The following COX15 variants were observed in gnomAD, a reference collection of about 807,000 sequenced individuals.
COX15 encodes the protein cytochrome c oxidase assembly factor COX15.
COX15 carries 51 observed loss-of-function variants against 51.9 expected under a neutral mutation model. That is an observed-to-expected ratio of 0.98 (90% CI 0.78 to 1.24). COX15 has a LOEUF of 1.24. Ranked by LOEUF, COX15 falls within the 50% of genes most tolerant of loss-of-function variation. The pLI is 0.00. For synonymous variants in COX15, 188 were observed against 190.5 expected, an observed-to-expected ratio of 0.99 and a Z score of 0.11; for missense variants, 420 against 501.1, an observed-to-expected ratio of 0.84 and a Z score of 1.55.
rs950016100 is a variant in COX15 at position 99,720,900 on chromosome 10, T to C, written c.832+87A>G. On this transcript the variant is annotated intron_variant, in intron 6 of 8. Transcript: ENST00000016171. ...CAGATGTGAAAAGGAAATATAAAGA[T>C]GCAGGAGGAAGGGGCAAAGCATTAG... 15 of 963,658 alleles carry C rather than the reference T, an allele frequency of 1.6e-5. No homozygotes were observed. In the East Asian group the frequency reaches 3.4e-4, roughly 22 times the overall value. 59.7% of individuals were successfully genotyped at this position (963,658 alleles called of 1,614,324 possible). A position where few individuals can be genotyped will look rare whatever the true frequency, so the allele number is the denominator to read the frequency against.
chr10:99,729,824 A>C (rs2037081622), intron 1 of COX15, 90 bp from the exon 2 acceptor site: 1 of 1,225,578 alleles, frequency 8.2e-7, no homozygotes. Context: ...GCGAAGTACC[A>C]TAGCATCCCC....
rs528818574 is a variant in COX15, at chr10:99,714,786, G to A, written c.1102-68C>T. The A allele has an allele frequency of 6.4e-5, 103 of 1,604,378 alleles. No individual in the cohort carries two copies. The East Asian group carries it at 1.1e-3, about 17-fold the overall frequency. On this transcript the variant is annotated intron_variant, in intron 8 of 8. Coordinates refer to ENST00000016171, the MANE Select transcript of COX15 (RefSeq NM_078470.6). ...AAGTTCACATTGAAAATGGCCAGGC[G>A]TGGATAACCACACACAAACCTCCAC...
intron 8 of COX15, among the ~76,000 whole-genome samples, chr10:99,715,698 T>C (rs2036547080): frequency 6.6e-6 from 1 of 151,960 alleles, no homozygotes; most frequent in Admixed American, 6.6e-5. Context: ...TACTGACTCA[T>C]GCTCTCACCA....
rs753712680 is a variant in COX15 at position 99,731,955 on chromosome 10, G to C, written c.90+5C>G. On this transcript the variant is annotated splice_donor_5th_base_variant and intron_variant, in intron 1 of 8. Transcript: ENST00000016171. ...CGCGACTCGGAGTCCGCTGCAGTGC[G>C]GTACCTGTGCTCTAGGCGCTGCCCT... is the stretch of plus-strand genomic sequence containing the variant. 6.2e-7 allele frequency: 1 copy of C among 1,607,738 alleles called. No individual in the cohort carries two copies. Among genetic ancestry groups the C allele is most frequent in the South Asian group, 1.1e-5 (1 of 89,974 alleles).
chr10:99,726,811 G>A (rs1345255972), intron 4 of COX15, among the ~76,000 whole-genome samples, 157 bp downstream of exon 4: 1 of 151,648 alleles, frequency 6.6e-6, no homozygotes, highest in Non-Finnish European at 1.5e-5. Context: ...GTATGAACCT[G>A]GGAGGCGGAG....
downstream of COX15, among the ~76,000 whole-genome samples, chr10:99,707,791 C>T (rs2036281828): frequency 6.6e-6 from 1 of 152,072 alleles, no homozygotes; most frequent in African/African-American, 2.4e-5. Flanking sequence ...TGTAAAATAC[C>T]CATTTATGTG....
chr10:99,716,398 T>G lies in COX15; in HGVS notation c.1051A>C (p.Arg351=). The G allele has an allele frequency of 6.2e-7, 1 of 1,613,918 alleles. No individual in the cohort carries two copies. The highest frequency in any genetic ancestry group is 1.1e-5 in the South Asian group (1 of 91,078). ...GTCACTGCTGCCATCTTGGTCCTTC[T>G]AGGAAGGGGAATTCTCCGAGAGAGG... ...YFLSRRIPLP[R]RTKMAAVTLL... is the part of the protein sequence containing the mutation. Residue 351 remains arginine, a synonymous_variant, in exon 8 of 9, where the codon AGA becomes CGA. Coordinates refer to ENST00000016171, the MANE Select transcript of COX15 (RefSeq NM_078470.6).
At chr10:99,698,649 AGAG>A in the COX15 span, 1 of 1,614,204 alleles carries the variant, frequency 6.2e-7, no homozygotes. Context: ...TGTCCGAGGA[AGAG>A]GAGACTGGGT....
chr10:99,707,175 T>G (rs556145921), downstream of COX15, among the ~76,000 whole-genome samples: 24 of 152,230 alleles, frequency 1.6e-4, no homozygotes, highest in Non-Finnish European at 2.6e-4. Flanking sequence ...TTGGAGTGTT[T>G]AATGTGTTAT....
At chr10:99,718,702 C>T (rs1236220708) in intron 6 of COX15, among the ~76,000 whole-genome samples, 1 of 152,204 alleles carries the variant, frequency 6.6e-6, no homozygotes, top group Non-Finnish European at 1.5e-5. Context: ...GCATCCTTAC[C>T]TGCTCCCACC....
At chr10:99,702,011 T>TGCACTCCA in the COX15 span, among the ~76,000 whole-genome samples, 831 of 152,080 alleles carry the variant, frequency 5.5e-3, 8 homozygotes, top group African/African-American at 0.014. Context: ...ATCGCGCCAC[T>TGCACTCCA]GCACTCCAGC....
chr10:99,699,801 G>A, the COX15 span, among the ~76,000 whole-genome samples: 1 of 152,048 alleles, frequency 6.6e-6, no homozygotes, highest in Non-Finnish European at 1.5e-5. Flanking sequence ...CCTGGCCTCA[G>A]GTGATCTGCC....
At chr10:99,725,833 G>C (rs1236652801) in intron 4 of COX15, among the ~76,000 whole-genome samples, 4 of 152,196 alleles carry the variant, frequency 2.6e-5, no homozygotes, top group Non-Finnish European at 5.9e-5. Context: ...ACAGGTGTGA[G>C]CCACTGCACC....
chr10:99,696,189 C>T, the COX15 span: 7 of 1,556,850 alleles, frequency 4.5e-6, no homozygotes, highest in Non-Finnish European at 6.1e-6. Flanking sequence ...GGGAGAAATA[C>T]TCACATCCTC....
rs1590081345 is a variant in COX15 at position 99,714,677 on chromosome 10, A to G, written c.1143T>C (p.Thr381=). 6.2e-7 allele frequency: 1 copy of G among 1,614,060 alleles called. No homozygotes were observed. The highest frequency in any genetic ancestry group is 1.7e-5 in the Admixed American group (1 of 60,022). The part of the protein sequence containing the change: ...GISTLLMYVP[T]PLAATHQSGS... ...CTGACTGGTGAGTGGCGGCCAGAGG[A>G]GTTGGGACATACATCAGCAGCGTGC... Residue 381 remains threonine, a synonymous_variant, in exon 9 of 9, where the codon ACT becomes ACC. Coordinates refer to ENST00000016171, the MANE Select transcript of COX15 (RefSeq NM_078470.6).
intron 4 of COX15, among the ~76,000 whole-genome samples, chr10:99,726,399 C>T (rs1245664333): frequency 6.6e-6 from 1 of 152,094 alleles, no homozygotes; most frequent in Non-Finnish European, 1.5e-5. Flanking sequence ...TGGATTATCT[C>T]ATTTAATATT....
At chr10:99,725,624 C>G (rs1355228893) in intron 4 of COX15, among the ~76,000 whole-genome samples, 1 of 152,088 alleles carries the variant, frequency 6.6e-6, no homozygotes, top group African/African-American at 2.4e-5. Flanking sequence ...GTGGTGCAAC[C>G]TCTCAGCTCG....
chr10:99,724,245 G>A, intron 4 of COX15, 122 bp from the exon 5 acceptor site: 2 of 1,119,886 alleles, frequency 1.8e-6, no homozygotes, highest in Non-Finnish European at 2.6e-6. Flanking sequence ...TGCAGTGGCG[G>A]GATCTTGGCT....
intron 4 of COX15, among the ~76,000 whole-genome samples, chr10:99,725,367 T>G (rs545892533): frequency 6.6e-6 from 1 of 152,358 alleles, no homozygotes; most frequent in African/African-American, 2.4e-5. Context: ...CACTTTCTTC[T>G]CCCATACCTT....
Sources: gnomAD v4.1 joint callset for allele counts (sites outside exome capture counted in the v4.1 genomes callset) on GRCh38, gnomAD v4.1.1 for gene constraint, MANE v1.5 for transcripts, NCBI Gene and HGNC (gene_info 2026-07-23, HGNC 2026-07-21) for gene names.